PI4K2A: variants seen among roughly 807,000 people sequenced by gnomAD.
PI4K2A encodes the protein phosphatidylinositol 4-kinase type 2 alpha.
PI4K2A carries 20 observed loss-of-function variants against 55.0 expected under a neutral mutation model. The ratio of observed to expected loss-of-function variants is 0.36; its 90% CI spans 0.26 to 0.53. The LOEUF (loss-of-function observed/expected upper bound fraction) is 0.53, where lower values mean the gene tolerates loss of function less well. Ranked by LOEUF, PI4K2A falls within the 20% of genes least tolerant of loss-of-function variation. PI4K2A has a pLI of 0.91. For missense variants in PI4K2A, 463 were observed against 637.1 expected (o/e 0.73, Z 2.94); for synonymous variants, 235 against 258.5 (o/e 0.91, Z 0.87).
At chr10:97,667,168 T>C (rs898874799) in intron 8 of PI4K2A, 48 bp downstream of exon 8, 1 of 1,392,786 alleles carries the variant, frequency 7.2e-7, no homozygotes, top group Non-Finnish European at 1.0e-6. Context: ...CTGGGAGTGT[T>C]GTGTGCTCAG....
intron 2 of PI4K2A, among the ~76,000 whole-genome samples, 170 bp downstream of exon 2, chr10:97,651,311 A>C (rs1327900817): frequency 6.6e-6 from 1 of 152,222 alleles, no homozygotes; most frequent in African/African-American, 2.4e-5. Context: ...TGATTTGATC[A>C]CCTGATGAAG....
intron 4 of PI4K2A, among the ~76,000 whole-genome samples, chr10:97,660,378 C>G (rs1295172801): frequency 6.6e-6 from 1 of 150,676 alleles, no homozygotes; most frequent in African/African-American, 2.4e-5. Flanking sequence ...TCACTGCAAC[C>G]TCCACTTCCC....
chr10:97,670,949 C>A (rs748174771), intron 8 of PI4K2A, among the ~76,000 whole-genome samples: 26 of 151,726 alleles, frequency 1.7e-4, no homozygotes, highest in Admixed American at 9.8e-4. Context: ...ACCAGACTGA[C>A]CAGCATGGAG....
chr10:97,660,002 CTT>C (rs1206693622), intron 4 of PI4K2A, among the ~76,000 whole-genome samples: 22 of 137,840 alleles, frequency 1.6e-4, no homozygotes, highest in African/African-American at 2.9e-4. Flanking sequence ...TCTTTCTTTT[CTT>C]TTTTTTTTTT....
At chr10:97,662,859 G>A (rs760799435) in intron 4 of PI4K2A, 48 bp from the exon 5 acceptor site, 1 of 1,264,262 alleles carries the variant, frequency 7.9e-7, no homozygotes, top group Non-Finnish European at 1.2e-6. Flanking sequence ...TTACAAAAAT[G>A]GAAAATCATC....
At chr10:97,666,211 A>G (rs879016789) in intron 6 of PI4K2A, among the ~76,000 whole-genome samples, 1 of 152,186 alleles carries the variant, frequency 6.6e-6, no homozygotes, top group Admixed American at 6.5e-5. Context: ...AAGGTCATGT[A>G]ATGTCTGAGA....
chr10:97,643,504 G>C (rs940466610), intron 1 of PI4K2A, among the ~76,000 whole-genome samples: 8 of 152,158 alleles, frequency 5.3e-5, no homozygotes, highest in Non-Finnish European at 8.8e-5. Context: ...GGCAGGTAAA[G>C]TACTACCATC....
Position 97,650,926 on chromosome 10 carries a change from CT to C in PI4K2A, c.436-12del. On this transcript the variant is annotated splice_polypyrimidine_tract_variant and intron_variant, in intron 1 of 8. Transcript: ENST00000370631. ...AACTCGGATTTAACATCCTCTTTTT[CT>C]TTGGTCTCTGTAGAGGATCATTGCT... is the stretch of plus-strand genomic sequence containing the variant. The C allele has an allele frequency of 6.3e-7, 1 of 1,591,102 alleles. No individual in the cohort carries two copies. The highest frequency in any genetic ancestry group is 8.6e-7 in the Non-Finnish European group (1 of 1,163,308).
chr10:97,647,869 C>G (rs905705572), intron 1 of PI4K2A, among the ~76,000 whole-genome samples: 1 of 151,740 alleles, frequency 6.6e-6, no homozygotes. Context: ...AGAGGTCAGT[C>G]TTTAAATGAC....
chr10:97,641,162 C>T, exon 1 of PI4K2A: 1 of 1,605,542 alleles, frequency 6.2e-7, no homozygotes, highest in Non-Finnish European at 8.5e-7. Flanking sequence ...GCTACTTCGT[C>T]AAGGACCCTC....
chr10:97,651,398 G>A (rs923206823), intron 2 of PI4K2A, among the ~76,000 whole-genome samples: 1 of 152,162 alleles, frequency 6.6e-6, no homozygotes, highest in Non-Finnish European at 1.5e-5. Flanking sequence ...GCATGTTTAT[G>A]GCTCCCTTGG....
chr10:97,651,948 A>ACGT (rs1395359194), intron 2 of PI4K2A, among the ~76,000 whole-genome samples: 1 of 152,166 alleles, frequency 6.6e-6, no homozygotes, highest in East Asian at 1.9e-4. Context: ...TTCACTGAGT[A>ACGT]CGTGGCTACC....
chr10:97,674,615 G>A (rs1290364086), exon 9 of PI4K2A: 1 of 152,218 alleles, frequency 6.6e-6, no homozygotes, highest in Non-Finnish European at 1.5e-5. Context: ...TGCTTCCTGA[G>A]TCCTTGGTCC....
At chr10:97,640,724 G>A in exon 1 of PI4K2A, 1 of 1,465,054 alleles carries the variant, frequency 6.8e-7, no homozygotes, top group Non-Finnish European at 9.0e-7. Context: ...GCCGGGTCCC[G>A]GAGCCGGCTG....
In PI4K2A at chr10:97,651,158, C is replaced by T; in HGVS notation, c.636+17C>T. Reference sequence around the variant, plus strand: ...CGTACAAAGGTCAGTGACCCATCTCCAGGAAGCCTTACTGCCTGGCCACAG... The same window carrying T: ...CGTACAAAGGTCAGTGACCCATCTCTAGGAAGCCTTACTGCCTGGCCACAG... On this transcript the variant is annotated intron_variant, in intron 2 of 8. Coordinates refer to ENST00000370631, the Ensembl canonical transcript of PI4K2A. 6.2e-7 allele frequency: 1 copy of T among 1,603,754 alleles called. No homozygotes were observed. Among genetic ancestry groups the T allele is most frequent in the Non-Finnish European group, 8.5e-7 (1 of 1,172,188 alleles).
At chr10:97,672,423 A>G (rs2041640690) in intron 8 of PI4K2A, among the ~76,000 whole-genome samples, 1 of 152,178 alleles carries the variant, frequency 6.6e-6, no homozygotes, top group Admixed American at 6.5e-5. Context: ...TTAGATAGAA[A>G]GATAGAATTT....
rs1252850713 is a variant in PI4K2A, at chr10:97,673,059, T to G, written c.1279-522T>G. ...TGGAGTGCAGTGGCACGATCTCGGC[T>G]CACTGCAACCTCCGCCTCCCGGGTT... On this transcript the variant is annotated intron_variant, in intron 8 of 8. Transcript: ENST00000370631. Among the ~76,000 whole-genome samples, 4 of 152,042 alleles carry G rather than the reference T, an allele frequency of 2.6e-5. No individual in the cohort carries two copies. In the East Asian group the frequency reaches 5.8e-4, roughly 22 times the overall value.
chr10:97,666,362 C>T, intron 6 of PI4K2A, 76 bp from the exon 7 acceptor site: 1 of 1,382,254 alleles, frequency 7.2e-7, no homozygotes. Context: ...TTAGAAAGTG[C>T]CTTGACTGGT....
chr10:97,671,905 C>T lies in PI4K2A; in HGVS notation c.1279-1676C>T, dbSNP rs555593201. On this transcript the variant is annotated intron_variant, in intron 8 of 8. Transcript: ENST00000370631. ...CTGACCTCAGGTGACCCGCCCACTTCGGCCTCCCAAAGTGCTAGGATTACA... is the reference window on the plus strand; with the variant it reads ...CTGACCTCAGGTGACCCGCCCACTTTGGCCTCCCAAAGTGCTAGGATTACA... Among the ~76,000 whole-genome samples the T allele has an allele frequency of 7.9e-5, 12 of 152,240 alleles. No homozygotes were observed. The South Asian group carries it at 2.3e-3, about 29-fold the overall frequency.
Sources: allele counts gnomAD v4.1 joint callset (sites outside exome capture counted in the v4.1 genomes callset), GRCh38; gene constraint gnomAD v4.1.1; transcripts MANE v1.5; gene names NCBI Gene and HGNC (gene_info 2026-07-23, HGNC 2026-07-21).